The following GUCY2C variants were observed in gnomAD, a reference collection of about 807,000 sequenced individuals.
GUCY2C encodes guanylyl cyclase C.
In GUCY2C, 118 loss-of-function variants were observed where a neutral mutation model predicts 131.1. The ratio of observed to expected loss-of-function variants is 0.90; its 90% CI spans 0.78 to 1.05. The LOEUF (loss-of-function observed/expected upper bound fraction) is 1.05. GUCY2C is among the 50% of genes least tolerant of loss of function. GUCY2C has a pLI of 0.00. For synonymous variants in GUCY2C, 452 were observed against 457.8 expected, an observed-to-expected ratio of 0.99 and a Z score of 0.16; for missense variants, 1,161 against 1,304.4, an observed-to-expected ratio of 0.89 and a Z score of 1.69.
intron 3 of GUCY2C, among the ~76,000 whole-genome samples, chr12:14,683,571 G>T (rs1166821534): frequency 6.6e-6 from 1 of 152,118 alleles, no homozygotes; most frequent in Admixed American, 6.6e-5. Flanking sequence ...CTAAGAAAAA[G>T]GATGGACCAC....
chr12:14,673,011 A>G (rs1948148901), intron 8 of GUCY2C, 53 bp from the exon 9 acceptor site: 3 of 994,684 alleles, frequency 3.0e-6, no homozygotes, highest in East Asian at 2.4e-5. Flanking sequence ...TGCCTGACAG[A>G]TAAGTTGGAT....
intron 18 of GUCY2C, 40 bp from the exon 19 acceptor site, chr12:14,639,990 C>A (rs753309432): frequency 8.0e-7 from 1 of 1,253,300 alleles, no homozygotes; most frequent in Non-Finnish European, 1.2e-6. Flanking sequence ...AAGAAGAATA[C>A]AGCATGAAGA....
chr12:14,638,883 T>G lies in GUCY2C; in HGVS notation c.2157+979A>C, dbSNP rs548218023. Among the ~76,000 whole-genome samples the G allele has an allele frequency of 2.6e-5, 4 of 152,294 alleles. No individual in the cohort carries two copies. The East Asian group carries it at 7.7e-4, about 29-fold the overall frequency. On this transcript the variant is annotated intron_variant, in intron 19 of 26. Coordinates refer to ENST00000261170, the MANE Select transcript of GUCY2C (RefSeq NM_004963.4). Reference sequence around the variant, plus strand: ...TTGAAATGTTCCCAACACATAGAAATGATAACTACTTAAGGTGATGGATCC... The same window carrying G: ...TTGAAATGTTCCCAACACATAGAAAGGATAACTACTTAAGGTGATGGATCC...
At chr12:14,646,071 A>G (rs1048031545) in intron 15 of GUCY2C, among the ~76,000 whole-genome samples, 5 of 152,056 alleles carry the variant, frequency 3.3e-5, no homozygotes, top group Non-Finnish European at 7.4e-5. Context: ...CCTGGCCTCA[A>G]GCAATCTGCC....
Position 14,669,841 on chromosome 12 carries a change from A to C in GUCY2C, c.1171-8T>G, listed in dbSNP as rs754595807. ...GGTCAAAAGAACCTTGTACTGTGTC[A>C]GGGCACAAAAAAGAAAAAGGATGAA... On this transcript the variant is annotated splice_region_variant and splice_polypyrimidine_tract_variant and intron_variant, in intron 9 of 26. Coordinates refer to ENST00000261170, the MANE Select transcript of GUCY2C (RefSeq NM_004963.4). The C allele has an allele frequency of 7.9e-7, 1 of 1,263,456 alleles. No homozygotes were observed. Among genetic ancestry groups the C allele is most frequent in the South Asian group, 1.3e-5 (1 of 76,286 alleles). 78.3% of individuals were successfully genotyped at this position (1,263,456 alleles called of 1,614,324 possible). A position where few individuals can be genotyped will look rare whatever the true frequency, so the allele number is the denominator to read the frequency against.
chr12:14,641,788 T>C (rs1004554125), intron 17 of GUCY2C, among the ~76,000 whole-genome samples: 1 of 151,912 alleles, frequency 6.6e-6, no homozygotes, highest in Non-Finnish European at 1.5e-5. Context: ...AATACAAAAA[T>C]TAGCCAGGCG....
At chr12:14,615,108 T>A (rs1946732756) in intron 25 of GUCY2C, among the ~76,000 whole-genome samples, 165 bp from the exon 26 acceptor site, 1 of 152,210 alleles carries the variant, frequency 6.6e-6, no homozygotes, top group African/African-American at 2.4e-5. Context: ...TTGCATTATC[T>A]CTAGACAGAT....
chr12:14,656,090 T>A (rs1199937865), intron 12 of GUCY2C, among the ~76,000 whole-genome samples: 1 of 152,176 alleles, frequency 6.6e-6, no homozygotes, highest in Non-Finnish European at 1.5e-5. Context: ...ATTTCCTGGT[T>A]GAAGGTAAAT....
At position 14,613,390 on chromosome 12, in the gene GUCY2C, T is replaced by C; in HGVS notation, c.3048-99A>G. The C allele has an allele frequency of 4.6e-6, 4 of 862,820 alleles. No homozygotes were observed. Among genetic ancestry groups the C allele is most frequent in the Non-Finnish European group, 7.7e-6 (4 of 519,202 alleles). The allele number at this position is 862,820 out of a possible 1,614,324, so 53.4% of individuals were successfully genotyped here. The stretch of plus-strand genomic sequence containing the variant: ...TCAGTTCAGTTAGTCAGTTACTCTT[T>C]GAATGCCTATTCTGTGCTAGACACA... On this transcript the variant is annotated intron_variant, in intron 26 of 26. Coordinates refer to ENST00000261170, the MANE Select transcript of GUCY2C (RefSeq NM_004963.4). This position sits in a 1 kb window ranked among gnomAD's most constrained non-coding sequence, Gnocchi z 4.9.
At chr12:14,671,587 T>C (rs940118345) in intron 9 of GUCY2C, among the ~76,000 whole-genome samples, 1 of 152,250 alleles carries the variant, frequency 6.6e-6, no homozygotes, top group African/African-American at 2.4e-5. Context: ...TTCCCAAATA[T>C]ACATGTTATA....
intron 19 of GUCY2C, among the ~76,000 whole-genome samples, chr12:14,637,646 C>G (rs9669769): frequency 0.056 from 8,576 of 152,096 alleles, 813 homozygotes; most frequent in African/African-American, 0.19. Flanking sequence ...CACTTACAGA[C>G]AACTGATTTT....
intron 16 of GUCY2C, among the ~76,000 whole-genome samples, chr12:14,644,675 T>C (rs1020833188): frequency 7.2e-5 from 11 of 152,050 alleles, no homozygotes; most frequent in Admixed American, 5.9e-4. Flanking sequence ...ACATTTATTA[T>C]TGATTCCTGC....
rs747017024 is a variant in GUCY2C, at chr12:14,621,059, C to G, written c.2759G>C (p.Arg920Pro). Residue 920 changes from arginine to proline, a missense_variant, in exon 23 of 27, where the codon CGC becomes CCC. Transcript: ENST00000261170. ...CTCCATACCAGAGTGAACTCCAATGCGAATCCATATTGGGAGGCCAGGAAG... is the reference window on the plus strand; with the variant it reads ...CTCCATACCAGAGTGAACTCCAATGGGAATCCATATTGGGAGGCCAGGAAG... ...EHLPGLPIWI[R>P]IGVHSGPCAA... The G allele has an allele frequency of 6.2e-6, 10 of 1,613,584 alleles. No individual in the cohort carries two copies. The highest frequency in any genetic ancestry group is 8.5e-6 in the Non-Finnish European group (10 of 1,179,710).
intron 15 of GUCY2C, among the ~76,000 whole-genome samples, chr12:14,647,704 T>A (rs1947549677): frequency 6.6e-6 from 1 of 152,224 alleles, no homozygotes; most frequent in African/African-American, 2.4e-5. Context: ...TTCAGTGTTC[T>A]TAACTGATTC....
chr12:14,615,660 A>G lies in GUCY2C; in HGVS notation c.2971-717T>C, dbSNP rs115092175. 4.6e-3 allele frequency among the ~76,000 whole-genome samples: 690 copies of G among 150,694 alleles called. 3 individuals are homozygous for G. The highest frequency in any genetic ancestry group is 0.016 in the African/African-American group (670 of 41,270). On this transcript the variant is annotated intron_variant, in intron 25 of 26. Transcript: ENST00000261170. ...ATATATATATATATAATTGATATAT[A>G]TTGTTAAACTCATTTAAAAAAGTAG...
intron 1 of GUCY2C, among the ~76,000 whole-genome samples, chr12:14,695,615 A>AC (rs1319426709): frequency 6.6e-6 from 1 of 151,504 alleles, no homozygotes; most frequent in Non-Finnish European, 1.5e-5. Context: ...AAAAAAAAAA[A>AC]AAAAAGAGTG....
At position 14,669,775 on chromosome 12, in the gene GUCY2C, C is replaced by T. The variant is rs773343016; in HGVS notation, c.1229G>A (p.Ser410Asn). The change falls in exon 10 of 27, where the codon AGC becomes AAC. Residue 410 changes from serine (S) to asparagine (N), a missense_variant. Coordinates refer to ENST00000261170, the MANE Select transcript of GUCY2C (RefSeq NM_004963.4). ...AGAGTTCTTCCAAGTGAATGTGGGG[C>T]TCATATCCACAGGATAGGTCTTATT... ...HVNKTYPVDMSPTFTWKNSKL... is the reference protein window; with the variant it reads ...HVNKTYPVDMNPTFTWKNSKL... 1.2e-6 allele frequency: 2 copies of T among 1,607,070 alleles called. No individual in the cohort carries two copies. Among genetic ancestry groups the T allele is most frequent in the Admixed American group, 1.7e-5 (1 of 59,666 alleles).
rs186540507 is a variant in GUCY2C at position 14,671,015 on chromosome 12, C to T, written c.1171-1182G>A. Among the ~76,000 whole-genome samples the T allele has an allele frequency of 2.5e-4, 38 of 151,648 alleles. 1 individual carries two copies. Among genetic ancestry groups the T allele is most frequent in the African/African-American group, 8.5e-4 (35 of 41,370 alleles). ...ATCTCGTGATACTTATTCACTATCA[C>T]GAGACTAGCATGGGAAAGACCAGCC... On this transcript the variant is annotated intron_variant, in intron 9 of 26. Coordinates refer to ENST00000261170, the MANE Select transcript of GUCY2C (RefSeq NM_004963.4).
chr12:14,695,554 T>G (rs186622716), intron 1 of GUCY2C, among the ~76,000 whole-genome samples: 1 of 140,230 alleles, frequency 7.1e-6, no homozygotes, highest in Admixed American at 7.7e-5. Context: ...TGAGCCGAGA[T>G]CGTGCCACTG....
Sources: gnomAD v4.1 joint callset for allele counts (sites outside exome capture counted in the v4.1 genomes callset) on GRCh38, gnomAD v4.1.1 for gene constraint, Gnocchi (gnomAD v3.1) non-coding constraint, MANE v1.5 for transcripts, NCBI Gene and HGNC (gene_info 2026-07-23, HGNC 2026-07-21) for gene names.